The following COX7B2 variants were observed in gnomAD, a reference collection of about 807,000 sequenced individuals.
COX7B2 encodes cytochrome c oxidase subunit 7B2, mitochondrial.
For missense variants in COX7B2, 109 were observed against 95.9 expected (o/e 1.14, Z -0.57); for synonymous variants, 37 against 32.1 (o/e 1.15, Z -0.51).
intron 1 of COX7B2, among the ~76,000 whole-genome samples, chr4:46,879,780 G>C (rs1375972194): frequency 6.6e-6 from 1 of 151,218 alleles, no homozygotes; most frequent in Non-Finnish European, 1.5e-5. Context: ...TTGAAGGAGT[G>C]CCGTTCCAAT....
intron 1 of COX7B2, among the ~76,000 whole-genome samples, chr4:46,875,003 T>C (rs1008249566): frequency 1.3e-5 from 2 of 152,154 alleles, no homozygotes; most frequent in Non-Finnish European, 2.9e-5. Context: ...TTAAAAATGC[T>C]TCACACCTCC....
chr4:46,866,295 T>TAGA (rs1364477254), intron 1 of COX7B2, among the ~76,000 whole-genome samples: 8 of 152,176 alleles, frequency 5.3e-5, no homozygotes, highest in South Asian at 2.1e-4. Context: ...AGATCCACCT[T>TAGA]GGCAGCAGAG....
intron 2 of COX7B2, among the ~76,000 whole-genome samples, chr4:46,824,603 C>T (rs1427517684): frequency 6.7e-6 from 1 of 148,174 alleles, no homozygotes; most frequent in Admixed American, 6.8e-5. Context: ...TGAAGTTCAA[C>T]TTTCTGATGT....
At chr4:46,750,301 G>A (rs1423974706) in intron 2 of COX7B2, among the ~76,000 whole-genome samples, 4 of 151,926 alleles carry the variant, frequency 2.6e-5, no homozygotes, top group Admixed American at 2.6e-4. Context: ...GGCTGAGGTG[G>A]AAGGATTGCT....
chr4:46,806,819 G>A (rs2109647483), intron 2 of COX7B2, among the ~76,000 whole-genome samples: 1 of 152,124 alleles, frequency 6.6e-6, no homozygotes, highest in East Asian at 1.9e-4. Flanking sequence ...AATGTCTCCA[G>A]GCTAATCCAT....
At chr4:46,825,002 C>G (rs1714582368) in intron 2 of COX7B2, among the ~76,000 whole-genome samples, 1 of 151,550 alleles carries the variant, frequency 6.6e-6, no homozygotes. Flanking sequence ...TCTCATCACT[C>G]ATCTTCAACA....
chr4:46,759,035 T>C (rs1313231159), intron 2 of COX7B2, among the ~76,000 whole-genome samples: 3 of 152,042 alleles, frequency 2.0e-5, no homozygotes, highest in African/African-American at 7.2e-5. Context: ...TTATGCACAA[T>C]CTCACACTGT....
intron 2 of COX7B2, among the ~76,000 whole-genome samples, chr4:46,807,481 T>TTCTC (rs1719063860): frequency 6.6e-6 from 1 of 151,946 alleles, no homozygotes; most frequent in African/African-American, 2.4e-5. Context: ...CTTTGCTATT[T>TTCTC]TCTTTGCTAT....
In COX7B2 at chr4:46,797,658, G is replaced by A. The variant is rs112593253; in HGVS notation, c.-50+47302C>T. On this transcript the variant is annotated intron_variant, in intron 2 of 2. Coordinates refer to ENST00000355591, the MANE Select transcript of COX7B2 (RefSeq NM_130902.3). Reference sequence around the variant, plus strand: ...TAGTGTCACCTTCAAGGACTTGAAGGATACAGGGGCAATGATTCCCACCAC... The same window carrying A: ...TAGTGTCACCTTCAAGGACTTGAAGAATACAGGGGCAATGATTCCCACCAC... Among the ~76,000 whole-genome samples the A allele has an allele frequency of 9.9e-5, 15 of 152,260 alleles. 2 individuals carry two copies. The highest frequency in any genetic ancestry group is 3.6e-4 in the African/African-American group (15 of 41,556).
intron 2 of COX7B2, among the ~76,000 whole-genome samples, chr4:46,749,615 T>C (rs952162024): frequency 1.3e-4 from 20 of 152,178 alleles, no homozygotes; most frequent in Non-Finnish European, 2.9e-5. Flanking sequence ...AGTACACTAA[T>C]CAGAAATCCA....
intron 2 of COX7B2, among the ~76,000 whole-genome samples, chr4:46,752,402 C>A (rs1340519127): frequency 3.3e-5 from 5 of 152,012 alleles, no homozygotes; most frequent in African/African-American, 1.2e-4. Flanking sequence ...TAATTGAATA[C>A]TCTTTATTTC....
chr4:46,755,544 CATG>C (rs747608255), intron 2 of COX7B2, among the ~76,000 whole-genome samples: 2 of 152,038 alleles, frequency 1.3e-5, no homozygotes, highest in Non-Finnish European at 2.9e-5. Flanking sequence ...TTATTGATCA[CATG>C]ATAATATATC....
chr4:46,839,072 G>A (rs1381761699), intron 2 of COX7B2, among the ~76,000 whole-genome samples: 1 of 151,886 alleles, frequency 6.6e-6, no homozygotes, highest in Non-Finnish European at 1.5e-5. Flanking sequence ...TTGAGCCTCT[G>A]TGATTTTATA....
intron 2 of COX7B2, among the ~76,000 whole-genome samples, chr4:46,761,985 T>C (rs1346322054): frequency 6.6e-6 from 1 of 151,424 alleles, no homozygotes; most frequent in Non-Finnish European, 1.5e-5. Flanking sequence ...TGTGATTGTG[T>C]GTACAGGATC....
chr4:46,856,883 A>G (rs2109791156), intron 1 of COX7B2, among the ~76,000 whole-genome samples: 1 of 152,352 alleles, frequency 6.6e-6, no homozygotes, highest in Non-Finnish European at 1.5e-5. Context: ...CAACTATAGT[A>G]ATTTCAGAAT....
chr4:46,801,654 C>A (rs548691737), intron 2 of COX7B2, among the ~76,000 whole-genome samples: 7 of 152,146 alleles, frequency 4.6e-5, no homozygotes, highest in Admixed American at 3.3e-4. Flanking sequence ...ATTTTTAAAC[C>A]AGATCCCAGC....
At chr4:46,849,177 G>A (rs1489543606) in intron 1 of COX7B2, among the ~76,000 whole-genome samples, 1 of 151,964 alleles carries the variant, frequency 6.6e-6, no homozygotes. Flanking sequence ...ATATGGCTCT[G>A]CAAGTGCTAG....
At chr4:46,907,511 G>A (rs1010781072) in intron 1 of COX7B2, among the ~76,000 whole-genome samples, 1 of 151,962 alleles carries the variant, frequency 6.6e-6, no homozygotes, top group Non-Finnish European at 1.5e-5. Context: ...TGTATTGAAT[G>A]GTTTCTCATC....
In COX7B2 at chr4:46,860,880, C is replaced by T. The variant is rs148768458; in HGVS notation, c.-104-15866G>A. Among the ~76,000 whole-genome samples, 964 of 152,200 alleles carry T rather than the reference C, an allele frequency of 6.3e-3. 6 individuals are homozygous for T. Among genetic ancestry groups the T allele is most frequent in the Middle Eastern group, 0.017 (5 of 294 alleles). On this transcript the variant is annotated intron_variant, in intron 1 of 2. Coordinates refer to ENST00000355591, the MANE Select transcript of COX7B2 (RefSeq NM_130902.3). ...ACATCAGAGTCACATTGTTCTTTGG[C>T]CCCAACGTGGTCTTTGGGGTTCACT...
Sources: gnomAD v4.1 joint callset for allele counts (sites outside exome capture counted in the v4.1 genomes callset) on GRCh38, gnomAD v4.1.1 for gene constraint, MANE v1.5 for transcripts, NCBI Gene and HGNC (gene_info 2026-07-23, HGNC 2026-07-21) for gene names.